The following MTHFD1L variants were observed in gnomAD, a reference collection of about 807,000 sequenced individuals.
The protein encoded by MTHFD1L is methylenetetrahydrofolate dehydrogenase (NADP+ dependent) 1 like.
MTHFD1L carries 81 observed loss-of-function variants against 119.5 expected under a neutral mutation model. That is an observed-to-expected ratio of 0.68 (90% CI 0.57 to 0.82). MTHFD1L has a LOEUF of 0.82. Among genes scored for constraint, MTHFD1L ranks in the 40% least tolerant of loss-of-function variants. MTHFD1L has a pLI of 0.00. For missense variants in MTHFD1L, 1,125 were observed against 1,253.4 expected (o/e 0.90, Z 1.55); for synonymous variants, 430 against 475.2 (o/e 0.90, Z 1.24).
rs768014475 is a variant in MTHFD1L, at chr6:150,887,835, T to C, written c.644-10T>C. The C allele has an allele frequency of 6.4e-7, 1 of 1,571,336 alleles. No individual in the cohort carries two copies. The highest frequency in any genetic ancestry group is 1.2e-5 in the South Asian group (1 of 82,960). ...TTGAGTATAATATTGAATTTTCATTTGGTTAGTAGGTGTCAACCTAGATGG... is the reference window on the plus strand; with the variant it reads ...TTGAGTATAATATTGAATTTTCATTCGGTTAGTAGGTGTCAACCTAGATGG... On this transcript the variant is annotated splice_polypyrimidine_tract_variant and intron_variant, in intron 6 of 27. Coordinates refer to ENST00000367321, the MANE Select transcript of MTHFD1L (RefSeq NM_015440.5).
intron 24 of MTHFD1L, among the ~76,000 whole-genome samples, chr6:151,029,345 C>T (rs1394735012): frequency 1.3e-5 from 2 of 151,740 alleles, no homozygotes; most frequent in Admixed American, 1.3e-4. Context: ...TTGCTTGACC[C>T]AGAAGGCAGA....
intron 20 of MTHFD1L, among the ~76,000 whole-genome samples, chr6:151,005,104 A>G (rs1029451867): frequency 8.5e-5 from 13 of 152,086 alleles, no homozygotes; most frequent in African/African-American, 3.1e-4. Context: ...TCAAGTCACT[A>G]AGAAAACCTA....
intron 26 of MTHFD1L, among the ~76,000 whole-genome samples, chr6:151,062,255 T>C (rs1263433531): frequency 6.6e-6 from 1 of 152,094 alleles, no homozygotes; most frequent in Non-Finnish European, 1.5e-5. Context: ...GCTAATACGA[T>C]GAAACCCCGT....
chr6:150,957,345 A>T (rs1795794435), intron 17 of MTHFD1L, among the ~76,000 whole-genome samples: 1 of 152,186 alleles, frequency 6.6e-6, no homozygotes, highest in African/African-American at 2.4e-5. Context: ...TTTACCTAGG[A>T]GCTTGTCAAG....
intron 8 of MTHFD1L, among the ~76,000 whole-genome samples, chr6:150,913,484 T>G (rs190270629): frequency 1.2e-3 from 179 of 152,064 alleles, no homozygotes; most frequent in Non-Finnish European, 2.2e-3. Context: ...TTTTGTACCT[T>G]TTCTAGAGAC....
chr6:151,035,007 G>A (rs1416428144), intron 25 of MTHFD1L, among the ~76,000 whole-genome samples: 5 of 152,146 alleles, frequency 3.3e-5, no homozygotes, highest in East Asian at 3.9e-4. Context: ...AAATGCTAGC[G>A]TGGTGCCAGG....
At chr6:150,886,377 A>G (rs1008382668) in intron 6 of MTHFD1L, among the ~76,000 whole-genome samples, 5 of 145,806 alleles carry the variant, frequency 3.4e-5, no homozygotes, top group African/African-American at 1.3e-4. Flanking sequence ...TTGAGGTTAC[A>G]GTGAGCTGTG....
At chr6:150,992,319 A>G (rs1394659303) in intron 20 of MTHFD1L, among the ~76,000 whole-genome samples, 1 of 152,202 alleles carries the variant, frequency 6.6e-6, no homozygotes, top group Non-Finnish European at 1.5e-5. Flanking sequence ...AATCTGTTAC[A>G]TTTTTGAAAA....
intron 13 of MTHFD1L, among the ~76,000 whole-genome samples, chr6:150,940,777 A>C (rs1205450831): frequency 6.6e-6 from 1 of 151,902 alleles, no homozygotes; most frequent in Non-Finnish European, 1.5e-5. Flanking sequence ...ATGGGGTTTC[A>C]CCATGTTGGT....
chr6:150,934,921 A>C, intron 11 of MTHFD1L: 2 of 1,513,468 alleles, frequency 1.3e-6, no homozygotes, highest in Non-Finnish European at 1.8e-6. Context: ...ATTCTAAAGC[A>C]AGAAGAGAAA....
intron 16 of MTHFD1L, among the ~76,000 whole-genome samples, chr6:150,952,049 C>A (rs1017201242): frequency 6.6e-6 from 1 of 152,124 alleles, no homozygotes; most frequent in African/African-American, 2.4e-5. Context: ...ATCTTTTATA[C>A]CTGGGTCTGG....
intron 26 of MTHFD1L, among the ~76,000 whole-genome samples, chr6:151,079,558 C>T (rs1244480186): frequency 2.0e-5 from 3 of 152,004 alleles, no homozygotes; most frequent in Non-Finnish European, 2.9e-5. Context: ...GGCGTGATCT[C>T]GGCTCACCGC....
Position 151,012,408 on chromosome 6 carries a change from C to T in MTHFD1L, c.2266-1371C>T, listed in dbSNP as rs73780312. Among the ~76,000 whole-genome samples the T allele has an allele frequency of 8.6e-3, 1,301 of 152,016 alleles. 26 individuals carry two copies. Among genetic ancestry groups the T allele is most frequent in the African/African-American group, 0.03 (1,236 of 41,466 alleles). ...TTTTTCTTTTTTGCTACAAATACTG[C>T]GCTGGGATCGACTTCCTTTTGATCA... On this transcript the variant is annotated intron_variant, in intron 21 of 27. Coordinates refer to ENST00000367321, the MANE Select transcript of MTHFD1L (RefSeq NM_015440.5).
intron 7 of MTHFD1L, among the ~76,000 whole-genome samples, chr6:150,894,026 T>A (rs1393100875): frequency 6.6e-6 from 1 of 152,140 alleles, no homozygotes; most frequent in Admixed American, 6.6e-5. Flanking sequence ...GGCAGATTGC[T>A]TGAGCCCAGG....
intron 26 of MTHFD1L, among the ~76,000 whole-genome samples, chr6:151,059,141 G>A (rs1424477601): frequency 1.3e-5 from 2 of 152,148 alleles, no homozygotes; most frequent in Non-Finnish European, 2.9e-5. Flanking sequence ...GAGGTGGGAT[G>A]ATGTTCTCCA....
chr6:150,965,010 A>T lies in MTHFD1L; in HGVS notation c.1986A>T (p.Ile662=). Residue 662 remains isoleucine, a synonymous_variant, in exon 19 of 28, where the codon ATA becomes ATT. Coordinates refer to ENST00000367321, the MANE Select transcript of MTHFD1L (RefSeq NM_015440.5). ...GALTVLMKDA[I]KPNLMQTLEG... ...TGACAGTTTTGATGAAAGATGCAAT[A>T]AAACCAAACCTGATGCAGACCCTGG... 6.2e-7 allele frequency: 1 copy of T among 1,614,104 alleles called. No individual in the cohort carries two copies. Among genetic ancestry groups the T allele is most frequent in the Non-Finnish European group, 8.5e-7 (1 of 1,179,960 alleles).
intron 26 of MTHFD1L, among the ~76,000 whole-genome samples, chr6:151,063,572 G>A (rs1368919792): frequency 3.9e-5 from 6 of 152,158 alleles, no homozygotes; most frequent in Admixed American, 6.5e-5. Context: ...TGTGTCTTAT[G>A]CAGATGTAAG....
rs758034959 is a variant in MTHFD1L, at chr6:150,885,719, C to G, written c.628C>G (p.Leu210Val). The change falls in exon 6 of 28, where the codon CTT becomes GTT. Residue 210 changes from leucine (L) to valine (V), a missense_variant. Physicochemically the swap from Leu to Val is conservative, Grantham distance 32. This residue lies in a region of MTHFD1L where 1,058 missense variants were observed against 1,151.2 expected (regional missense o/e 0.92). Transcript: ENST00000367321. Reference protein sequence around the residue: ...VSPVAKAVIELLEKSGVNLDG... With the variant: ...VSPVAKAVIEVLEKSGVNLDG... Reference sequence around the variant, plus strand: ...ACCTGTTGCCAAAGCTGTAATTGAACTTCTTGAAAAATCAGGTAGGATGCT... The same window carrying G: ...ACCTGTTGCCAAAGCTGTAATTGAAGTTCTTGAAAAATCAGGTAGGATGCT... The G allele has an allele frequency of 1.2e-6, 2 of 1,612,974 alleles. No individual in the cohort carries two copies. Among genetic ancestry groups the G allele is most frequent in the South Asian group, 1.1e-5 (1 of 90,958 alleles).
At chr6:150,998,477 T>G (rs534792967) in intron 20 of MTHFD1L, among the ~76,000 whole-genome samples, 1 of 152,142 alleles carries the variant, frequency 6.6e-6, no homozygotes, top group African/African-American at 2.4e-5. Flanking sequence ...TAGGAAGTTT[T>G]AAAGTAAAAT....
Sources: allele counts gnomAD v4.1 joint callset (sites outside exome capture counted in the v4.1 genomes callset), GRCh38; gene constraint gnomAD v4.1.1; regional missense constraint gnomAD v4.1.1; transcripts MANE v1.5; gene names NCBI Gene and HGNC (gene_info 2026-07-23, HGNC 2026-07-21).